The following SFRP5 variants were observed in gnomAD, a reference collection of about 807,000 sequenced individuals.
The protein encoded by SFRP5 is secreted frizzled related protein 5.
SFRP5 carries 22 observed loss-of-function variants against 27.0 expected under a neutral mutation model. The ratio of observed to expected loss-of-function variants is 0.82; its 90% CI spans 0.58 to 1.17. The LOEUF is 1.17. Ranked by LOEUF, SFRP5 falls within the 50% of genes most tolerant of loss-of-function variation. SFRP5 has a pLI of 0.00. For synonymous variants in SFRP5, 171 were observed against 195.0 expected, an observed-to-expected ratio of 0.88 and a Z score of 1.03; for missense variants, 406 against 436.6, an observed-to-expected ratio of 0.93 and a Z score of 0.63.
rs2049517323 is a variant in SFRP5 at position 97,771,569 on chromosome 10, C to T, written c.265G>A (p.Ala89Thr). The change falls in exon 1 of 3, where the codon GCG becomes ACG. Residue 89 changes from alanine (A) to threonine (T), a missense_variant. Physicochemically the swap from Ala to Thr is moderately conservative, Grantham distance 58 (BLOSUM62 0). Coordinates refer to ENST00000266066, the MANE Select transcript of SFRP5 (RefSeq NM_003015.3). The surrounding 1 kb of genome is among the most constrained non-coding windows in gnomAD (Gnocchi z 5.2). ...GCCAGCAGCGGCAGCCAGCTGCTCG[C>T]CTGCTGCTTCACTTCGGCCAGGCTC... Reference protein sequence around the residue: ...HESLAEVKQQASSWLPLLAKR... With the variant: ...HESLAEVKQQTSSWLPLLAKR... 6.2e-7 allele frequency: 1 copy of T among 1,611,786 alleles called. No individual in the cohort carries two copies. The highest frequency in any genetic ancestry group is 8.5e-7 in the Non-Finnish European group (1 of 1,178,782).
chr10:97,770,410 C>G (rs1421269390), intron 1 of SFRP5, among the ~76,000 whole-genome samples: 1 of 152,072 alleles, frequency 6.6e-6, no homozygotes, highest in East Asian at 1.9e-4. Flanking sequence ...AGGCCCAGAG[C>G]GGTTACTCAA....
rs2049520676 is a variant in SFRP5 at position 97,771,871 on chromosome 10, C to A, written c.-38G>T. ...TCCAGGTGCGCGCCGCGCAGCCCCC[C>A]GACGCTCGGTGCCCGGCGGCCCAGG... is the stretch of plus-strand genomic sequence containing the variant. On this transcript the variant is annotated 5_prime_UTR_variant, in exon 1 of 3. Coordinates refer to ENST00000266066, the MANE Select transcript of SFRP5 (RefSeq NM_003015.3). This position sits in a 1 kb window ranked among gnomAD's most constrained non-coding sequence, Gnocchi z 5.2. The A allele has an allele frequency of 9.8e-7, 1 of 1,020,124 alleles. No homozygotes were observed. The highest frequency in any genetic ancestry group is 1.2e-6 in the Non-Finnish European group (1 of 853,690). The allele number at this position is 1,020,124 out of a possible 1,614,324, so 63.2% of individuals were successfully genotyped here.
At position 97,771,951 on chromosome 10, in the gene SFRP5, G is replaced by T; in HGVS notation, c.-118C>A. The T allele has an allele frequency of 1.3e-6, 1 of 750,036 alleles. No individual in the cohort carries two copies. Among genetic ancestry groups the T allele is most frequent in the Non-Finnish European group, 1.6e-6 (1 of 612,998 alleles). 46.5% of individuals were successfully genotyped at this position (750,036 alleles called of 1,614,324 possible). On this transcript the variant is annotated 5_prime_UTR_variant, in exon 1 of 3. Transcript: ENST00000266066. The surrounding 1 kb of genome is among the most constrained non-coding windows in gnomAD (Gnocchi z 5.2). ...CTACCCAGCCGCCGCCGCCGCCGCCGCGGAGGTCGCCCAGGTGGGTGGCAG... is the reference window on the plus strand; with the variant it reads ...CTACCCAGCCGCCGCCGCCGCCGCCTCGGAGGTCGCCCAGGTGGGTGGCAG...
At chr10:97,770,642 A>C (rs2049509222) in intron 1 of SFRP5, among the ~76,000 whole-genome samples, 1 of 152,200 alleles carries the variant, frequency 6.6e-6, no homozygotes, top group African/African-American at 2.4e-5. Context: ...GAAGTCAAGC[A>C]ACTTGCCTAA....
chr10:97,766,788 A>G lies in SFRP5; in HGVS notation c.*726T>C, dbSNP rs1457927089. Reference sequence around the variant, plus strand: ...TTGATTTAATTAAAAAGTTAAAAAAATTAGAAAACCCAACCCTGCATGTAT... The same window carrying G: ...TTGATTTAATTAAAAAGTTAAAAAAGTTAGAAAACCCAACCCTGCATGTAT... On this transcript the variant is annotated 3_prime_UTR_variant, in exon 3 of 3. Transcript: ENST00000266066. 1 of 152,236 alleles carries G rather than the reference A, an allele frequency of 6.6e-6. No homozygotes were observed. Among genetic ancestry groups the G allele is most frequent in the Non-Finnish European group, 1.5e-5 (1 of 68,050 alleles). 9.4% of individuals were successfully genotyped at this position (152,236 alleles called of 1,614,324 possible).
chr10:97,767,271 G>C lies in SFRP5; in HGVS notation c.*243C>G. On this transcript the variant is annotated 3_prime_UTR_variant, in exon 3 of 3. Coordinates refer to ENST00000266066, the MANE Select transcript of SFRP5 (RefSeq NM_003015.3). Reference sequence around the variant, plus strand: ...CCCTCTCCTCCCCTGCCTACTTTCTGAGACCCTGAGGTCTTCACCCAGATG... The same window carrying C: ...CCCTCTCCTCCCCTGCCTACTTTCTCAGACCCTGAGGTCTTCACCCAGATG... 1 of 428,240 alleles carries C rather than the reference G, an allele frequency of 2.3e-6. No homozygotes were observed. The highest frequency in any genetic ancestry group is 5.6e-5 in the South Asian group (1 of 17,714). The allele number at this position is 428,240 out of a possible 1,614,324, so 26.5% of individuals were successfully genotyped here. A position where few individuals can be genotyped will look rare whatever the true frequency, so the allele number is the denominator to read the frequency against.
rs2049521317 is a variant in SFRP5, at chr10:97,771,987, G to C, written c.-154C>G. On this transcript the variant is annotated 5_prime_UTR_variant, in exon 1 of 3. Transcript: ENST00000266066. The surrounding 1 kb of genome is among the most constrained non-coding windows in gnomAD (Gnocchi z 5.2). ...CCAGGTGGGTGGCAGCCTGCGCTGC[G>C]GGCGCCCCGACTGATCCTGGCGCCT... 1 of 455,950 alleles carries C rather than the reference G, an allele frequency of 2.2e-6. No individual in the cohort carries two copies. Among genetic ancestry groups the C allele is most frequent in the Non-Finnish European group, 2.9e-6 (1 of 344,142 alleles). The allele number at this position is 455,950 out of a possible 1,614,324, so 28.2% of individuals were successfully genotyped here. A position where few individuals can be genotyped will look rare whatever the true frequency, so the allele number is the denominator to read the frequency against.
intron 2 of SFRP5, among the ~76,000 whole-genome samples, chr10:97,768,328 G>A (rs1028033751): frequency 3.3e-5 from 5 of 152,112 alleles, no homozygotes; most frequent in Non-Finnish European, 7.3e-5. Flanking sequence ...TGAGTGTATG[G>A]TATGGAGTAT....
At position 97,771,588 on chromosome 10, in the gene SFRP5, C is replaced by T; in HGVS notation, c.246G>A (p.Leu82=). 2.5e-6 allele frequency: 4 copies of T among 1,611,892 alleles called. No individual in the cohort carries two copies. The highest frequency in any genetic ancestry group is 3.4e-6 in the Non-Finnish European group (4 of 1,179,312). Residue 82 remains leucine (L), a synonymous_variant, in exon 1 of 3, where the codon CTG becomes CTA. Coordinates refer to ENST00000266066, the MANE Select transcript of SFRP5 (RefSeq NM_003015.3). This position sits in a 1 kb window ranked among gnomAD's most constrained non-coding sequence, Gnocchi z 5.2. ...TGCTCGCCTGCTGCTTCACTTCGGC[C>T]AGGCTCTCGTGCTCCAGCAGGTTGG... The part of the protein sequence containing the change: ...RLPNLLEHES[L]AEVKQQASSW...
chr10:97,767,659 C>A lies in SFRP5; in HGVS notation c.809G>T (p.Arg270Leu). The change falls in exon 3 of 3, where the codon CGC (arginine) becomes CTC (leucine). Residue 270 changes from arginine to leucine, a missense_variant. Physicochemically the swap from Arg to Leu is moderately radical, Grantham distance 102. Transcript: ENST00000266066. Reference protein sequence around the residue: ...SLAGSFLVMGRKVDGQLLLMA... With the variant: ...SLAGSFLVMGLKVDGQLLLMA... Reference sequence around the variant, plus strand: ...GAGCAGCAGCTGTCCATCCACTTTGCGGCCCATGACCAGGAAGCTGCCCGC... The same window carrying A: ...GAGCAGCAGCTGTCCATCCACTTTGAGGCCCATGACCAGGAAGCTGCCCGC... 6.2e-7 allele frequency: 1 copy of A among 1,614,106 alleles called. No individual in the cohort carries two copies. Among genetic ancestry groups the A allele is most frequent in the Non-Finnish European group, 8.5e-7 (1 of 1,180,040 alleles).
Position 97,771,422 on chromosome 10 carries a change from G to GCGGCGCGCAGC in SFRP5, c.401_411dup (p.Leu138AlafsTer44). The GCGGCGCGCAGC allele has an allele frequency of 6.2e-7, 1 of 1,613,026 alleles. No individual in the cohort carries two copies. On this transcript the variant is annotated frameshift_variant, in exon 1 of 3. Transcript: ENST00000266066. LOFTEE classifies it high-confidence loss of function. This position sits in a 1 kb window ranked among gnomAD's most constrained non-coding sequence, Gnocchi z 5.2. The stretch of plus-strand genomic sequence containing the variant: ...CAGGGGAAGCCGTAGGCCTCCATGA[G>GCGGCGCGCAGC]CGGCGCGCAGCCGGCGCGCACGGCC...
At chr10:97,768,025 A>G (rs1298321354) in intron 2 of SFRP5, among the ~76,000 whole-genome samples, 165 bp from the exon 3 acceptor site, 1 of 152,048 alleles carries the variant, frequency 6.6e-6, no homozygotes, top group Non-Finnish European at 1.5e-5. Context: ...TTTATGAAGC[A>G]CTTATCATGC....
In SFRP5 at chr10:97,771,230, T is replaced by C. The variant is rs1309882287; in HGVS notation, c.529+75A>G. 1.2e-6 allele frequency: 1 copy of C among 818,876 alleles called. No homozygotes were observed. Among genetic ancestry groups the C allele is most frequent in the Non-Finnish European group, 1.8e-6 (1 of 544,434 alleles). 50.7% of individuals were successfully genotyped at this position (818,876 alleles called of 1,614,324 possible). On this transcript the variant is annotated intron_variant, in intron 1 of 2. Coordinates refer to ENST00000266066, the MANE Select transcript of SFRP5 (RefSeq NM_003015.3). The surrounding 1 kb of genome is among the most constrained non-coding windows in gnomAD (Gnocchi z 5.2). ...GGCGGAGGGGGGGAGCTGCACCTCT[T>C]GGGGGGTTCGCAGAGCTGTGCTAGG...
Position 97,767,347 on chromosome 10 carries a change from A to C in SFRP5, c.*167T>G, listed in dbSNP as rs878964744. 79 of 571,806 alleles carry C rather than the reference A, an allele frequency of 1.4e-4. No homozygotes were observed. In the South Asian group the frequency reaches 1.9e-3, roughly 14 times the overall value. The allele number at this position is 571,806 out of a possible 1,614,324, so 35.4% of individuals were successfully genotyped here. ...AGCCCAACATCCCAGGGACCCCAGGACCCCTGGGTCAAAAAGGACAGCCTG... is the reference window on the plus strand; with the variant it reads ...AGCCCAACATCCCAGGGACCCCAGGCCCCCTGGGTCAAAAAGGACAGCCTG... On this transcript the variant is annotated 3_prime_UTR_variant, in exon 3 of 3. Coordinates refer to ENST00000266066, the MANE Select transcript of SFRP5 (RefSeq NM_003015.3).
In SFRP5 at chr10:97,771,702, G is replaced by T. The variant is rs1315472773; in HGVS notation, c.132C>A (p.Gly44=). ...ACTGCGGCGGCTTGGAGTAGGAGCG[G>T]CCGTGCAGCGGCTCGGCCTGCCAGC... ...YYGWQAEPLH[G]RSYSKPPQCL... is the part of the protein sequence containing the mutation. Residue 44 remains glycine (G), a synonymous_variant, in exon 1 of 3, where the codon GGC becomes GGA. Transcript: ENST00000266066. This position sits in a 1 kb window ranked among gnomAD's most constrained non-coding sequence, Gnocchi z 5.2. 6.3e-7 allele frequency: 1 copy of T among 1,597,920 alleles called. No individual in the cohort carries two copies. The highest frequency in any genetic ancestry group is 8.5e-7 in the Non-Finnish European group (1 of 1,179,380).
Position 97,771,714 on chromosome 10 carries a change from C to T in SFRP5, c.120G>A (p.Glu40=). 1 of 1,596,646 alleles carries T rather than the reference C, an allele frequency of 6.3e-7. No individual in the cohort carries two copies. Residue 40 remains glutamate (E), a synonymous_variant, in exon 1 of 3, where the codon GAG becomes GAA. Transcript: ENST00000266066. The surrounding 1 kb of genome is among the most constrained non-coding windows in gnomAD (Gnocchi z 5.2). The stretch of plus-strand genomic sequence containing the variant: ...TGGAGTAGGAGCGGCCGTGCAGCGG[C>T]TCGGCCTGCCAGCCATAGTAGTCGT... ...EEYDYYGWQA[E]PLHGRSYSKP... is the part of the protein sequence containing the mutation.
rs966051385 is a variant in SFRP5 at position 97,769,843 on chromosome 10, CT to C, written c.530-99del. 3 of 761,746 alleles carry C rather than the reference CT, an allele frequency of 3.9e-6. No individual in the cohort carries two copies. The African/African-American group carries it at 5.1e-5, about 13-fold the overall frequency. 47.2% of individuals were successfully genotyped at this position (761,746 alleles called of 1,614,324 possible). Reference sequence around the variant, plus strand: ...TGCAGGCTTCCTCACTGACCAGCCACTTCCCCTTGCCAAGCCTCTACTTCCT... The same window carrying C: ...TGCAGGCTTCCTCACTGACCAGCCACTCCCCTTGCCAAGCCTCTACTTCCT... On this transcript the variant is annotated intron_variant, in intron 1 of 2. Transcript: ENST00000266066.
chr10:97,770,146 T>C (rs1360342353), intron 1 of SFRP5, among the ~76,000 whole-genome samples: 1 of 152,256 alleles, frequency 6.6e-6, no homozygotes, highest in Non-Finnish European at 1.5e-5. Context: ...CTCAGCTTAC[T>C]GCAACCTCTG....
Position 97,767,654 on chromosome 10 carries a change from C to T in SFRP5, c.814G>A (p.Val272Met). The change falls in exon 3 of 3, where the codon GTG becomes ATG. Residue 272 changes from valine to methionine, a missense_variant. Coordinates refer to ENST00000266066, the MANE Select transcript of SFRP5 (RefSeq NM_003015.3). ...GCCATGAGCAGCAGCTGTCCATCCACTTTGCGGCCCATGACCAGGAAGCTG... is the reference window on the plus strand; with the variant it reads ...GCCATGAGCAGCAGCTGTCCATCCATTTTGCGGCCCATGACCAGGAAGCTG... The part of the protein sequence containing the change: ...AGSFLVMGRK[V>M]DGQLLLMAVY... 6.2e-7 allele frequency: 1 copy of T among 1,614,134 alleles called. No homozygotes were observed. The highest frequency in any genetic ancestry group is 8.5e-7 in the Non-Finnish European group (1 of 1,180,040).
Sources: allele counts gnomAD v4.1 joint callset (sites outside exome capture counted in the v4.1 genomes callset), GRCh38; gene constraint gnomAD v4.1.1; non-coding constraint Gnocchi (gnomAD v3.1); transcripts MANE v1.5; gene names NCBI Gene and HGNC (gene_info 2026-07-23, HGNC 2026-07-21).